Variants in OR2L13 observed in about 807,000 individuals in gnomAD.
The protein encoded by OR2L13 is olfactory receptor family 2 subfamily L member 13.
Under a neutral mutation model 15.3 loss-of-function variants are expected in OR2L13, and 14 were observed. The ratio of observed to expected loss-of-function variants is 0.91; its 90% CI spans 0.60 to 1.43. The LOEUF (loss-of-function observed/expected upper bound fraction) is 1.43. Ranked by LOEUF, OR2L13 falls within the 40% of genes most tolerant of loss-of-function variation. The probability of loss-of-function intolerance (pLI) is 0.00; values close to 1 mark genes in which losing one functional copy is unlikely to be tolerated. For synonymous variants in OR2L13, 152 were observed against 142.9 expected, an observed-to-expected ratio of 1.06 and a Z score of -0.45; for missense variants, 367 against 387.9, an observed-to-expected ratio of 0.95 and a Z score of 0.45.
At chr1:247,949,243 T>A in the OR2L13 span, 1 of 1,614,228 alleles carries the variant, frequency 6.2e-7, no homozygotes, top group Non-Finnish European at 8.5e-7. Context: ...TGCTTTCCTC[T>A]CCACTATCTC....
the OR2L13 span, among the ~76,000 whole-genome samples, chr1:248,054,225 C>T: frequency 5.5e-4 from 83 of 152,234 alleles, no homozygotes; most frequent in Non-Finnish European, 6.2e-4. Flanking sequence ...ATCTTTTCCC[C>T]GTTGCTTGTT....
the OR2L13 span, among the ~76,000 whole-genome samples, chr1:247,942,730 T>C: frequency 0.012 from 1,870 of 152,274 alleles, 41 homozygotes; most frequent in African/African-American, 0.042. Context: ...GGTAAATATA[T>C]ATAAGAGAAA....
chr1:248,060,139 A>G, the OR2L13 span, among the ~76,000 whole-genome samples: 11 of 152,290 alleles, frequency 7.2e-5, no homozygotes, highest in Admixed American at 4.6e-4. Flanking sequence ...ATTTATACTG[A>G]CTTTCTATGC....
chr1:247,994,376 G>T, the OR2L13 span, among the ~76,000 whole-genome samples: 1 of 152,102 alleles, frequency 6.6e-6, no homozygotes, highest in Non-Finnish European at 1.5e-5. Context: ...CAGCCGGGGC[G>T]ACAGAGCGAG....
At chr1:247,939,335 T>A in the OR2L13 span, 1 of 152,214 alleles carries the variant, frequency 6.6e-6, no homozygotes, top group Non-Finnish European at 1.5e-5. Flanking sequence ...TCTGTCCAAA[T>A]TCTGTGAGGT....
At chr1:247,997,356 A>G in the OR2L13 span, among the ~76,000 whole-genome samples, 1 of 152,180 alleles carries the variant, frequency 6.6e-6, no homozygotes, top group Middle Eastern at 3.2e-3. Flanking sequence ...ACATCATTTT[A>G]TCATCTGATT....
chr1:247,944,910 C>A, the OR2L13 span, among the ~76,000 whole-genome samples: 1 of 151,554 alleles, frequency 6.6e-6, no homozygotes, highest in African/African-American at 2.4e-5. Context: ...CTGTATTTGT[C>A]TTGCTAATGA....
At chr1:248,059,384 A>G in the OR2L13 span, among the ~76,000 whole-genome samples, 4 of 152,048 alleles carry the variant, frequency 2.6e-5, no homozygotes, top group Non-Finnish European at 5.9e-5. Context: ...AAGAGATTGA[A>G]TTTTCCTCAA....
At chr1:248,056,237 A>G in the OR2L13 span, among the ~76,000 whole-genome samples, 1 of 151,986 alleles carries the variant, frequency 6.6e-6, no homozygotes, top group Non-Finnish European at 1.5e-5. Flanking sequence ...TTAGTTACAT[A>G]TGTATACATG....
At chr1:247,993,760 GGGGAGAGAGAGA>G in the OR2L13 span, among the ~76,000 whole-genome samples, 1,261 of 53,696 alleles carry the variant, frequency 0.023, 43 homozygotes, top group Admixed American at 0.059. Flanking sequence ...ACAGAGAGAG[GGGGAGAGAGAGA>G]GAGAGAGAGA....
At chr1:247,952,898 A>G in the OR2L13 span, among the ~76,000 whole-genome samples, 1 of 152,150 alleles carries the variant, frequency 6.6e-6, no homozygotes, top group South Asian at 2.1e-4. Context: ...CTGAAAAACA[A>G]TATGGGTGCC....
At chr1:248,009,700 A>T in the OR2L13 span, among the ~76,000 whole-genome samples, 1 of 152,172 alleles carries the variant, frequency 6.6e-6, no homozygotes, top group African/African-American at 2.4e-5. Context: ...AAAACCTGTC[A>T]GAGACAAAAC....
At chr1:248,022,636 C>A in the OR2L13 span, 8 of 1,614,098 alleles carry the variant, frequency 5.0e-6, no homozygotes, top group Non-Finnish European at 5.9e-6. Flanking sequence ...ATGCACTCTG[C>A]AGAAGGGAGG....
At chr1:247,947,497 AC>A in the OR2L13 span, among the ~76,000 whole-genome samples, 30 of 152,304 alleles carry the variant, frequency 2.0e-4, no homozygotes, top group African/African-American at 7.0e-4. Context: ...GGAATTTCTA[AC>A]ACACCTCTAC....
the OR2L13 span, chr1:248,022,453 A>T: frequency 6.2e-7 from 1 of 1,614,192 alleles, no homozygotes; most frequent in Non-Finnish European, 8.5e-7. Flanking sequence ...CCATATTGCA[A>T]GTCCAGAGCC....
chr1:248,090,141 T>A, the OR2L13 span, among the ~76,000 whole-genome samples: 1 of 152,122 alleles, frequency 6.6e-6, no homozygotes, highest in East Asian at 1.9e-4. Flanking sequence ...CCCTTTCTCT[T>A]GCTGCAATCC....
At chr1:248,033,828 T>C in the OR2L13 span, among the ~76,000 whole-genome samples, 10 of 151,946 alleles carry the variant, frequency 6.6e-5, no homozygotes, top group Non-Finnish European at 1.5e-4. Context: ...AGTGGAAAAA[T>C]TCAAGGATGC....
At chr1:247,997,457 G>T in the OR2L13 span, among the ~76,000 whole-genome samples, 2 of 152,118 alleles carry the variant, frequency 1.3e-5, no homozygotes, top group Non-Finnish European at 2.9e-5. Context: ...TATGTTAGAA[G>T]ATAACTCCCA....
chr1:248,042,526 A>T, the OR2L13 span, among the ~76,000 whole-genome samples: 1 of 152,110 alleles, frequency 6.6e-6, no homozygotes, highest in African/African-American at 2.4e-5. Context: ...AAATAAACAA[A>T]TAAATAAATT....
Sources: gnomAD v4.1 joint callset for allele counts (sites outside exome capture counted in the v4.1 genomes callset) on GRCh38, gnomAD v4.1.1 for gene constraint, MANE v1.5 for transcripts, NCBI Gene and HGNC (gene_info 2026-07-23, HGNC 2026-07-21) for gene names.